The following HTR3B variants were observed in gnomAD, a reference collection of about 807,000 sequenced individuals.
The protein encoded by HTR3B is 5-hydroxytryptamine (serotonin) receptor 3B, ionotropic.
HTR3B carries 44 observed loss-of-function variants against 42.8 expected under a neutral mutation model. That is an observed-to-expected ratio of 1.03 (90% CI 0.81 to 1.32). The LOEUF (loss-of-function observed/expected upper bound fraction) is 1.32, where lower values mean the gene tolerates loss of function less well. Ranked by LOEUF, HTR3B falls within the 40% of genes most tolerant of loss-of-function variation. HTR3B has a pLI of 0.00. For missense variants in HTR3B, 527 were observed against 536.5 expected (o/e 0.98, Z 0.17); for synonymous variants, 203 against 209.0 (o/e 0.97, Z 0.25).
At chr11:113,899,632 G>T in the HTR3B span, among the ~76,000 whole-genome samples, 1 of 152,200 alleles carries the variant, frequency 6.6e-6, no homozygotes, top group Admixed American at 6.5e-5. Context: ...GGGATTTACT[G>T]GTATAGCAGT....
Position 113,932,950 on chromosome 11 carries a change from C to G in HTR3B, c.553C>G (p.Leu185Val), listed in dbSNP as rs1950051836. 1.9e-6 allele frequency: 3 copies of G among 1,613,916 alleles called. No homozygotes were observed. Among genetic ancestry groups the G allele is most frequent in the Non-Finnish European group, 2.5e-6 (3 of 1,179,988 alleles). Reference protein sequence around the residue: ...SILHTVEDVDLAFLRSPEDIQ... With the variant: ...SILHTVEDVDVAFLRSPEDIQ... ...GTTGTTTGCAGTGGAAGACGTAGACCTGGCCTTTCTGAGGAGCCCAGAAGA... is the reference window on the plus strand; with the variant it reads ...GTTGTTTGCAGTGGAAGACGTAGACGTGGCCTTTCTGAGGAGCCCAGAAGA... Residue 185 changes from leucine to valine, a missense_variant, in exon 6 of 9, where the codon CTG becomes GTG. Physicochemically the swap from Leu to Val is conservative, Grantham distance 32 (BLOSUM62 1). Transcript: ENST00000260191.
intron 2 of HTR3B, among the ~76,000 whole-genome samples, chr11:113,920,703 A>G (rs1949903813): frequency 6.6e-6 from 1 of 152,122 alleles, no homozygotes; most frequent in Non-Finnish European, 1.5e-5. Flanking sequence ...ATTAAGTAAG[A>G]GTCCTAGCCC....
At position 113,944,557 on chromosome 11, in the gene HTR3B, T is replaced by C; in HGVS notation, c.908-16T>C. ...TCAGACTGGAGGCTAACTGCACCTC[T>C]TCTGGCTTCTCTCAGGGCACTTCTT... On this transcript the variant is annotated splice_polypyrimidine_tract_variant and intron_variant, in intron 7 of 8. Coordinates refer to ENST00000260191, the MANE Select transcript of HTR3B (RefSeq NM_006028.5). The C allele has an allele frequency of 6.2e-7, 1 of 1,611,052 alleles. No homozygotes were observed. The highest frequency in any genetic ancestry group is 8.5e-7 in the Non-Finnish European group (1 of 1,177,458).
At chr11:113,945,664 A>T (rs1301399026) in intron 8 of HTR3B, among the ~76,000 whole-genome samples, 1 of 152,194 alleles carries the variant, frequency 6.6e-6, no homozygotes, top group Non-Finnish European at 1.5e-5. Context: ...TCCTGGACGG[A>T]TCTAGCACAC....
chr11:113,900,084 C>T (rs948591609), upstream of HTR3B, among the ~76,000 whole-genome samples: 2 of 151,996 alleles, frequency 1.3e-5, no homozygotes, highest in African/African-American at 2.4e-5. Flanking sequence ...CTGGTGAAAC[C>T]CTGTATCTAC....
chr11:113,936,472 G>A (rs1950093037), intron 6 of HTR3B, among the ~76,000 whole-genome samples: 2 of 152,082 alleles, frequency 1.3e-5, no homozygotes, highest in African/African-American at 2.4e-5. Flanking sequence ...GAGTAACTTT[G>A]TTGAGATACT....
At chr11:113,921,227 C>A (rs1041484715) in intron 2 of HTR3B, among the ~76,000 whole-genome samples, 13 of 150,976 alleles carry the variant, frequency 8.6e-5, no homozygotes, top group African/African-American at 2.9e-4. Context: ...CTCACTGCAA[C>A]CTCCGCCTCC....
At chr11:113,908,211 AATC>A (rs1450195651) in intron 1 of HTR3B, among the ~76,000 whole-genome samples, 1 of 152,190 alleles carries the variant, frequency 6.6e-6, no homozygotes, top group African/African-American at 2.4e-5. Flanking sequence ...GACATTGTTA[AATC>A]ATAGAAATTG....
chr11:113,899,935 A>T (rs1949686610), upstream of HTR3B, among the ~76,000 whole-genome samples: 1 of 152,190 alleles, frequency 6.6e-6, no homozygotes, highest in African/African-American at 2.4e-5. Flanking sequence ...ATCCCAGATT[A>T]AGTCTTTGTT....
intron 2 of HTR3B, among the ~76,000 whole-genome samples, chr11:113,919,566 C>T (rs1264618555): frequency 3.3e-5 from 5 of 152,096 alleles, no homozygotes; most frequent in Non-Finnish European, 5.9e-5. Flanking sequence ...CTGTGGCTCA[C>T]GCCTGTAATC....
intron 2 of HTR3B, among the ~76,000 whole-genome samples, chr11:113,911,068 C>G (rs1197528767): frequency 6.6e-6 from 1 of 151,262 alleles, no homozygotes; most frequent in African/African-American, 2.4e-5. Context: ...CCTCGTGATC[C>G]ATCTGCCTCA....
chr11:113,924,814 C>A (rs1949953172), intron 2 of HTR3B, among the ~76,000 whole-genome samples: 2 of 152,142 alleles, frequency 1.3e-5, no homozygotes, highest in South Asian at 4.1e-4. Context: ...TTTTATACTA[C>A]TTTAAAACTT....
chr11:113,937,884 A>C (rs547940661), intron 6 of HTR3B, among the ~76,000 whole-genome samples: 50 of 152,300 alleles, frequency 3.3e-4, no homozygotes, highest in African/African-American at 1.1e-3. Context: ...ATTTTCTTGC[A>C]GTTATGTAGG....
rs1950199613 is a variant in HTR3B, at chr11:113,948,899, G to A, written c.*2762G>A. ...AAAAGTTTAAAGTGCTTTGGGAAGG[G>A]GGAGGGATAGCATTAGAAGATATAC... On this transcript the variant is annotated 3_prime_UTR_variant, in exon 9 of 9. Coordinates refer to ENST00000260191, the MANE Select transcript of HTR3B (RefSeq NM_006028.5). Among the ~76,000 whole-genome samples the A allele has an allele frequency of 6.6e-6, 1 of 152,136 alleles. No individual in the cohort carries two copies. Among genetic ancestry groups the A allele is most frequent in the African/African-American group, 2.4e-5 (1 of 41,442 alleles).
intron 6 of HTR3B, among the ~76,000 whole-genome samples, chr11:113,936,103 G>A (rs1017088664): frequency 6.6e-6 from 1 of 152,172 alleles, no homozygotes; most frequent in Non-Finnish European, 1.5e-5. Flanking sequence ...CAGCAGCCAT[G>A]GGAGGGGAGG....
intron 2 of HTR3B, among the ~76,000 whole-genome samples, chr11:113,926,424 T>C (rs1176748): frequency 0.16 from 23,850 of 151,336 alleles, 2,659 homozygotes; most frequent in African/African-American, 0.31. Flanking sequence ...ATATGTTTAA[T>C]CTTTTAAGTA....
intron 1 of HTR3B, among the ~76,000 whole-genome samples, chr11:113,907,766 T>C (rs769394702): frequency 6.6e-6 from 1 of 152,224 alleles, no homozygotes; most frequent in Non-Finnish European, 1.5e-5. Context: ...GGTAATTTCC[T>C]GTATTGAAAC....
chr11:113,929,276 T>C (rs1950007967), intron 2 of HTR3B, among the ~76,000 whole-genome samples: 1 of 152,206 alleles, frequency 6.6e-6, no homozygotes, highest in Non-Finnish European at 1.5e-5. Flanking sequence ...TGATTAGTGA[T>C]TGTATTAGGA....
upstream of HTR3B, among the ~76,000 whole-genome samples, chr11:113,902,901 C>T (rs574194937): frequency 3.3e-5 from 5 of 151,938 alleles, no homozygotes; most frequent in Non-Finnish European, 7.4e-5. Flanking sequence ...CAGGGTCTAC[C>T]TCTATTGCCC....
Sources: allele counts gnomAD v4.1 joint callset (sites outside exome capture counted in the v4.1 genomes callset), GRCh38; gene constraint gnomAD v4.1.1; transcripts MANE v1.5; gene names NCBI Gene and HGNC (gene_info 2026-07-23, HGNC 2026-07-21).